The following GNG12 variants were observed in gnomAD, a reference collection of about 807,000 sequenced individuals.
GNG12 encodes the protein G protein subunit gamma 12.
For synonymous variants in GNG12, 28 were observed against 29.7 expected (o/e 0.94, Z 0.19); for missense variants, 69 against 83.8 (o/e 0.82, Z 0.69).
At chr1:67,776,226 A>G (rs1285284089) in intron 2 of GNG12, among the ~76,000 whole-genome samples, 1 of 152,176 alleles carries the variant, frequency 6.6e-6, no homozygotes, top group Non-Finnish European at 1.5e-5. Context: ...CAGTGCTGGC[A>G]GTCAGAATGG....
intron 2 of GNG12, among the ~76,000 whole-genome samples, chr1:67,775,880 G>A (rs1039119585): frequency 7.9e-5 from 12 of 152,118 alleles, no homozygotes; most frequent in African/African-American, 2.4e-4. Context: ...GTAGAGAAGG[G>A]GTAAGTGGAA....
intron 1 of GNG12, among the ~76,000 whole-genome samples, chr1:67,799,281 T>G (rs1043312536): frequency 7.9e-5 from 12 of 152,276 alleles, no homozygotes; most frequent in South Asian, 6.2e-4. Flanking sequence ...TGAGTCTGCT[T>G]CCCTTAGCAG....
intron 1 of GNG12, among the ~76,000 whole-genome samples, chr1:67,799,408 G>A (rs777807746): frequency 6.6e-6 from 1 of 152,128 alleles, no homozygotes; most frequent in Non-Finnish European, 1.5e-5. Context: ...CCCCAGGCTT[G>A]GCCATAAACA....
chr1:67,741,508 G>A (rs1646482618), intron 2 of GNG12, among the ~76,000 whole-genome samples: 1 of 152,238 alleles, frequency 6.6e-6, no homozygotes, highest in African/African-American at 2.4e-5. Flanking sequence ...AAGAGGGGAA[G>A]GACTGATGGC....
intron 1 of GNG12, among the ~76,000 whole-genome samples, chr1:67,808,432 T>C (rs1425130492): frequency 1.3e-5 from 2 of 152,042 alleles, no homozygotes; most frequent in Non-Finnish European, 2.9e-5. Flanking sequence ...TTTTCAACTT[T>C]TTGCTGCAAT....
intron 1 of GNG12, among the ~76,000 whole-genome samples, chr1:67,785,003 A>G (rs1359334062): frequency 6.6e-6 from 1 of 152,196 alleles, no homozygotes; most frequent in East Asian, 1.9e-4. Context: ...AGACAGGATC[A>G]CTGAATCCTG....
chr1:67,786,933 ATATGTG>A (rs1200725570), intron 1 of GNG12, among the ~76,000 whole-genome samples: 35 of 52,114 alleles, frequency 6.7e-4, no homozygotes, highest in African/African-American at 2.1e-3. Flanking sequence ...ACTTATATAT[ATATGTG>A]TGTGTGTGTG....
chr1:67,823,570 C>T (rs1157247792), intron 1 of GNG12, among the ~76,000 whole-genome samples: 1 of 152,138 alleles, frequency 6.6e-6, no homozygotes, highest in Non-Finnish European at 1.5e-5. Flanking sequence ...ATGTAAGAAC[C>T]GCCCCAAACC....
chr1:67,774,104 C>A (rs1646690669), intron 2 of GNG12, among the ~76,000 whole-genome samples: 2 of 152,258 alleles, frequency 1.3e-5, no homozygotes, highest in South Asian at 4.1e-4. Context: ...AGACATTTCT[C>A]TGAGTCTTGA....
At chr1:67,812,082 C>T (rs1419669095) in intron 1 of GNG12, among the ~76,000 whole-genome samples, 1 of 152,078 alleles carries the variant, frequency 6.6e-6, no homozygotes, top group African/African-American at 2.4e-5. Context: ...TTAGGGAATG[C>T]CAAGTTAAGC....
intron 1 of GNG12, among the ~76,000 whole-genome samples, chr1:67,809,751 C>T (rs1646913073): frequency 6.6e-6 from 1 of 151,958 alleles, no homozygotes; most frequent in Non-Finnish European, 1.5e-5. Context: ...ACCAGAATAG[C>T]CAAAATCCAA....
At chr1:67,829,452 GC>G (rs1647030762) in intron 1 of GNG12, among the ~76,000 whole-genome samples, 1 of 152,108 alleles carries the variant, frequency 6.6e-6, no homozygotes. Context: ...AAATTACTGA[GC>G]TTTTTTTAGA....
At chr1:67,745,286 C>T (rs1490218816) in intron 2 of GNG12, among the ~76,000 whole-genome samples, 1 of 152,180 alleles carries the variant, frequency 6.6e-6, no homozygotes. Context: ...TGTTGTGGGA[C>T]CTGATAGCTT....
chr1:67,771,603 A>G (rs1646674969), intron 2 of GNG12, among the ~76,000 whole-genome samples: 1 of 152,176 alleles, frequency 6.6e-6, no homozygotes. Flanking sequence ...GACGAGCATG[A>G]TCTTATGGGT....
At chr1:67,825,323 T>C (rs900212497) in intron 1 of GNG12, among the ~76,000 whole-genome samples, 3 of 152,340 alleles carry the variant, frequency 2.0e-5, no homozygotes, top group East Asian at 3.9e-4. Flanking sequence ...TTTAGTTTTT[T>C]TCACAAGGTG....
chr1:67,769,756 A>G lies in GNG12; in HGVS notation c.-27+7702T>C, dbSNP rs146263109. On this transcript the variant is annotated intron_variant, in intron 2 of 3. Transcript: ENST00000370982. The stretch of plus-strand genomic sequence containing the variant: ...CTCTGAGGCCCAGGAAAGAATTCCA[A>G]TTTTCCCAAACATTTCCCATTTTTC... Among the ~76,000 whole-genome samples the G allele has an allele frequency of 6.6e-5, 10 of 152,118 alleles. No homozygotes were observed. The East Asian group carries it at 1.6e-3, about 24-fold the overall frequency.
At chr1:67,794,799 T>C (rs546255358) in intron 1 of GNG12, among the ~76,000 whole-genome samples, 32 of 152,364 alleles carry the variant, frequency 2.1e-4, no homozygotes, top group African/African-American at 7.5e-4. Context: ...GCTATATTTA[T>C]ATCATTTAGC....
chr1:67,770,109 C>A lies in GNG12; in HGVS notation c.-27+7349G>T, dbSNP rs538235414. 1.8e-4 allele frequency among the ~76,000 whole-genome samples: 27 copies of A among 152,272 alleles called. 1 individual carries two copies. In the South Asian group the frequency reaches 5.4e-3, roughly 30 times the overall value. ...AGGTTTCCACCACCTCAAGATGTAACAGATGGGAAATTCCAAAGCAAGGGA... is the reference window on the plus strand; with the variant it reads ...AGGTTTCCACCACCTCAAGATGTAAAAGATGGGAAATTCCAAAGCAAGGGA... On this transcript the variant is annotated intron_variant, in intron 2 of 3. Coordinates refer to ENST00000370982, the MANE Select transcript of GNG12 (RefSeq NM_018841.6).
intron 1 of GNG12, among the ~76,000 whole-genome samples, chr1:67,803,523 T>C (rs114255405): frequency 0.016 from 2,382 of 152,232 alleles, 70 homozygotes; most frequent in African/African-American, 0.054. Context: ...GAGGAAACAG[T>C]GGTGACAATG....
Sources: gnomAD v4.1 joint callset for allele counts (sites outside exome capture counted in the v4.1 genomes callset) on GRCh38, gnomAD v4.1.1 for gene constraint, MANE v1.5 for transcripts, NCBI Gene and HGNC (gene_info 2026-07-23, HGNC 2026-07-21) for gene names.